COX10: variants seen among roughly 807,000 people sequenced by gnomAD.
COX10 encodes the protein cytochrome c oxidase assembly factor heme A:farnesyltransferase COX10.
COX10 carries 27 observed loss-of-function variants against 37.3 expected under a neutral mutation model. The ratio of observed to expected loss-of-function variants is 0.72; its 90% confidence interval spans 0.53 to 1.00. COX10 has a LOEUF of 1.00. COX10 is among the 50% of genes least tolerant of loss of function. The probability of loss-of-function intolerance (pLI) is 0.00; values close to 1 mark genes in which losing one functional copy is unlikely to be tolerated. For missense variants in COX10, 475 were observed against 563.2 expected, an observed-to-expected ratio of 0.84 and a Z score of 1.59; for synonymous variants, 222 against 229.1, an observed-to-expected ratio of 0.97 and a Z score of 0.28.
chr17:14,160,002 C>A, intron 5 of COX10, 55 bp downstream of exon 5: 1 of 1,470,572 alleles, frequency 6.8e-7, no homozygotes, highest in Non-Finnish European at 9.5e-7. Context: ...TTTGCTTGTT[C>A]ATCTGAATCA....
At position 14,073,975 on chromosome 17, in the gene COX10, T is replaced by C. The variant is rs186464015; in HGVS notation, c.44-348T>C. Among the ~76,000 whole-genome samples, 34 of 152,328 alleles carry C rather than the reference T, an allele frequency of 2.2e-4. No homozygotes were observed. The East Asian group carries it at 6.6e-3, about 29-fold the overall frequency. ...TTTATTGTCATTTATTAAGAAAAAT[T>C]GTGCTTTTTATTTTCTACTTTTGAA... On this transcript the variant is annotated intron_variant, in intron 1 of 6. Coordinates refer to ENST00000261643, the MANE Select transcript of COX10 (RefSeq NM_001303.4).
At chr17:14,077,134 C>A in intron 3 of COX10, 78 bp downstream of exon 3, 2 of 1,412,684 alleles carry the variant, frequency 1.4e-6, no homozygotes, top group Non-Finnish European at 2.0e-6. Context: ...TATTTACCAC[C>A]TGAAAAGAAT....
chr17:14,171,306 C>T (rs1373013913), intron 5 of COX10, among the ~76,000 whole-genome samples: 8 of 152,212 alleles, frequency 5.3e-5, no homozygotes, highest in South Asian at 2.1e-4. Context: ...TGGCAACACA[C>T]GTGCATTAAA....
intron 1 of COX10, among the ~76,000 whole-genome samples, chr17:14,071,914 A>G (rs1915034319): frequency 6.6e-6 from 1 of 151,986 alleles, no homozygotes; most frequent in Non-Finnish European, 1.5e-5. Flanking sequence ...AATAAAAAAA[A>G]AATTAAAAAT....
chr17:14,194,901 G>C (rs1392890949), intron 6 of COX10, among the ~76,000 whole-genome samples: 1 of 152,162 alleles, frequency 6.6e-6, no homozygotes, highest in Non-Finnish European at 1.5e-5. Flanking sequence ...ACAGAACCTG[G>C]TATAAAACAG....
intron 4 of COX10, among the ~76,000 whole-genome samples, chr17:14,113,100 G>A (rs1457353161): frequency 1.3e-5 from 2 of 152,072 alleles, no homozygotes; most frequent in South Asian, 2.1e-4. Flanking sequence ...CGCTGTCCAC[G>A]TCCGAACTAC....
intron 4 of COX10, among the ~76,000 whole-genome samples, chr17:14,158,421 A>T (rs1905098395): frequency 6.6e-6 from 1 of 151,246 alleles, no homozygotes; most frequent in South Asian, 2.1e-4. Flanking sequence ...ACTTCTTAGT[A>T]AATCATACTA....
chr17:14,069,570 C>T lies in COX10; in HGVS notation c.-36C>T, dbSNP rs777352901. ...CAGCGTCCCGTGAGGAGAGAGGACA[C>T]AGGGATCCCGGGGAGCGGCCCCAGA... On this transcript the variant is annotated 5_prime_UTR_variant, in exon 1 of 7. Coordinates refer to ENST00000261643, the MANE Select transcript of COX10 (RefSeq NM_001303.4). 4 of 1,613,190 alleles carry T rather than the reference C, an allele frequency of 2.5e-6. No individual in the cohort carries two copies. Among genetic ancestry groups the T allele is most frequent in the East Asian group, 2.2e-5 (1 of 44,854 alleles).
intron 3 of COX10, among the ~76,000 whole-genome samples, chr17:14,080,983 T>G (rs537762103): frequency 1.3e-5 from 2 of 152,328 alleles, no homozygotes; most frequent in Admixed American, 1.3e-4. Context: ...TTTGAAGCCA[T>G]CTGGATTATA....
Position 14,152,180 on chromosome 17 carries a change from C to T in COX10, c.625-7697C>T, listed in dbSNP as rs549428523. ...AGGATATAAGGGCTGTATATTAGTC[C>T]GTTTTCATGCTGCTGATAAGACATA... On this transcript the variant is annotated intron_variant, in intron 4 of 6. Coordinates refer to ENST00000261643, the MANE Select transcript of COX10 (RefSeq NM_001303.4). 1.8e-3 allele frequency among the ~76,000 whole-genome samples: 277 copies of T among 152,212 alleles called. 1 individual carries two copies. The highest frequency in any genetic ancestry group is 5.5e-3 in the African/African-American group (228 of 41,536).
intron 4 of COX10, among the ~76,000 whole-genome samples, chr17:14,147,049 T>C (rs999508212): frequency 6.6e-6 from 1 of 152,164 alleles, no homozygotes; most frequent in African/African-American, 2.4e-5. Context: ...TTAGTGGGAA[T>C]GTGAATTATT....
At chr17:14,204,772 G>A (rs1258038608) in intron 6 of COX10, among the ~76,000 whole-genome samples, 2 of 72,946 alleles carry the variant, frequency 2.7e-5, no homozygotes, top group Admixed American at 1.5e-4. Context: ...ACTCTTATAC[G>A]TTAAGATCCT....
At chr17:14,161,179 T>G (rs1905163672) in intron 5 of COX10, among the ~76,000 whole-genome samples, 1 of 152,178 alleles carries the variant, frequency 6.6e-6, no homozygotes, top group Non-Finnish European at 1.5e-5. Context: ...CTGTTAGTAC[T>G]CAGGAGGGAG....
chr17:14,146,447 C>T (rs1453971984), intron 4 of COX10, among the ~76,000 whole-genome samples: 1 of 152,062 alleles, frequency 6.6e-6, no homozygotes, highest in Non-Finnish European at 1.5e-5. Context: ...TATTTATATT[C>T]AGAAGAATGA....
chr17:14,151,691 A>T lies in COX10; in HGVS notation c.625-8186A>T, dbSNP rs1904902283. On this transcript the variant is annotated intron_variant, in intron 4 of 6. Transcript: ENST00000261643. ...AATCCTCTTTCATCCCATGAAATTC[A>T]ATTAAAGTACATATATCAAGTCATG... Among the ~76,000 whole-genome samples the T allele has an allele frequency of 2.0e-5, 3 of 152,158 alleles. 1 individual carries two copies. The South Asian group carries it at 6.2e-4, about 32-fold the overall frequency.
intron 4 of COX10, among the ~76,000 whole-genome samples, chr17:14,135,028 A>G (rs746125421): frequency 6.6e-6 from 1 of 151,774 alleles, no homozygotes; most frequent in Non-Finnish European, 1.5e-5. Context: ...ACAACAGTAT[A>G]TAACGATGCA....
intron 5 of COX10, among the ~76,000 whole-genome samples, chr17:14,165,900 T>A (rs535388790): frequency 6.6e-5 from 10 of 152,320 alleles, no homozygotes; most frequent in Admixed American, 6.5e-4. Flanking sequence ...GCCACAGCAT[T>A]GCCTCACACG....
At chr17:14,123,124 G>C (rs562137045) in intron 4 of COX10, among the ~76,000 whole-genome samples, 2 of 152,188 alleles carry the variant, frequency 1.3e-5, no homozygotes, top group Non-Finnish European at 2.9e-5. Flanking sequence ...ACAGTTCTCT[G>C]AGGTATATGG....
chr17:14,159,817 G>A, intron 4 of COX10, 60 bp from the exon 5 acceptor site: 2 of 1,323,490 alleles, frequency 1.5e-6, no homozygotes, highest in South Asian at 1.2e-5. Context: ...CAGTACTAAA[G>A]CGGAAGAAAA....
Sources: gnomAD v4.1 joint callset for allele counts (sites outside exome capture counted in the v4.1 genomes callset) on GRCh38, gnomAD v4.1.1 for gene constraint, MANE v1.5 for transcripts, NCBI Gene and HGNC (gene_info 2026-07-23, HGNC 2026-07-21) for gene names.